ARHGEF40: variants seen among roughly 807,000 people sequenced by gnomAD.
ARHGEF40 encodes Rho guanine nucleotide exchange factor 40.
In ARHGEF40, 98 loss-of-function variants were observed where a neutral mutation model predicts 165.9. The observed-to-expected ratio is 0.59, with a 90% confidence interval of 0.50 to 0.70. ARHGEF40 has a LOEUF of 0.70. Among genes scored for constraint, ARHGEF40 ranks in the 30% least tolerant of loss-of-function variants. The pLI, the probability that ARHGEF40 is intolerant of heterozygous loss-of-function variation, is 0.00. For missense variants in ARHGEF40, 1,815 were observed against 1,968.0 expected (o/e 0.92, Z 1.47); for synonymous variants, 792 against 814.3 (o/e 0.97, Z 0.47).
chr14:21,084,169 A>C, intron 17 of ARHGEF40, 119 bp downstream of exon 17: 1 of 1,077,242 alleles, frequency 9.3e-7, no homozygotes, highest in Non-Finnish European at 1.3e-6. Flanking sequence ...TCTAATTTCT[A>C]ACCAGCTGGG....
intron 19 of ARHGEF40, 63 bp from the exon 20 acceptor site, chr14:21,086,934 ACCAT>A (rs2139269357): frequency 8.1e-7 from 1 of 1,240,858 alleles, no homozygotes; most frequent in Non-Finnish European, 1.1e-6. Flanking sequence ...AAAAAAATCA[ACCAT>A]GACATGCTAG....
Position 21,070,485 on chromosome 14 carries a change from C to G in ARHGEF40, c.3+86C>G. 7 of 1,347,334 alleles carry G rather than the reference C, an allele frequency of 5.2e-6. No homozygotes were observed. The highest frequency in any genetic ancestry group is 6.7e-6 in the Non-Finnish European group (7 of 1,049,754). 83.5% of individuals were successfully genotyped at this position (1,347,334 alleles called of 1,614,324 possible). ...CCCAAGTCCTCAGCCTGGTGCCTCC[C>G]GAGCCTGCCTCGGACTGTTCGGCCC... On this transcript the variant is annotated intron_variant, in intron 1 of 23. Coordinates refer to ENST00000298694, the MANE Select transcript of ARHGEF40 (RefSeq NM_018071.5). This position sits in a 1 kb window ranked among gnomAD's most constrained non-coding sequence, Gnocchi z 4.7.
Position 21,070,472 on chromosome 14 carries a change from G to C in ARHGEF40, c.3+73G>C, listed in dbSNP as rs1466411863. ...CCCGCTCCGGGCCCCCAAGTCCTCA[G>C]CCTGGTGCCTCCCGAGCCTGCCTCG... On this transcript the variant is annotated intron_variant, in intron 1 of 23. Transcript: ENST00000298694. The surrounding 1 kb of genome is among the most constrained non-coding windows in gnomAD (Gnocchi z 4.7). 21 of 1,350,798 alleles carry C rather than the reference G, an allele frequency of 1.6e-5. No individual in the cohort carries two copies. The highest frequency in any genetic ancestry group is 1.9e-4 in the Middle Eastern group (1 of 5,196). 83.7% of individuals were successfully genotyped at this position (1,350,798 alleles called of 1,614,324 possible).
In ARHGEF40 at chr14:21,072,934, A is replaced by C; in HGVS notation, c.4-111A>C. On this transcript the variant is annotated intron_variant, in intron 1 of 23. Transcript: ENST00000298694. This position sits in a 1 kb window ranked among gnomAD's most constrained non-coding sequence, Gnocchi z 4.1. ...TCCTGAGTGCTCACTTTTTGCCCAC[A>C]TTGTACAATCGGGGCTTTGGAGAAC... The C allele has an allele frequency of 8.9e-7, 1 of 1,121,748 alleles. No homozygotes were observed. The allele number at this position is 1,121,748 out of a possible 1,614,324, so 69.5% of individuals were successfully genotyped here.
Position 21,074,678 on chromosome 14 carries a change from T to G in ARHGEF40, c.948T>G (p.Pro316=), listed in dbSNP as rs1157902636. The change falls in exon 3 of 24, where the codon CCT becomes CCG. Residue 316 remains proline, a synonymous_variant. Transcript: ENST00000298694. This position sits in a 1 kb window ranked among gnomAD's most constrained non-coding sequence, Gnocchi z 4.8. ...AGGGGAGCAGCACCGGAGCCTCCCC[T>G]GAGTCTCCCCCAGGAGCTGAGGCTG... ...PGEGSSTGAS[P]ESPPGAEAVP... is the part of the protein sequence containing the mutation. The G allele has an allele frequency of 6.3e-7, 1 of 1,576,206 alleles. No homozygotes were observed. The highest frequency in any genetic ancestry group is 2.3e-5 in the East Asian group (1 of 42,906).
At chr14:21,069,897 C>G (rs2139184142), upstream of ARHGEF40, among the ~76,000 whole-genome samples, 1 of 152,198 alleles carries the variant, frequency 6.6e-6, no homozygotes, top group East Asian at 1.9e-4. Context: ...GACCCCAGTT[C>G]TGGGAAGGGG....
In ARHGEF40 at chr14:21,075,574, G is replaced by A. The variant is rs117657505; in HGVS notation, c.1619-71G>A. ...AATTGGGTGGGCTTGGGGACTGGGG[G>A]AGGCAGGGTGGAAAGGAGGTAGGCA... is the stretch of plus-strand genomic sequence containing the variant. On this transcript the variant is annotated intron_variant, in intron 4 of 23. Transcript: ENST00000298694. This position sits in a 1 kb window ranked among gnomAD's most constrained non-coding sequence, Gnocchi z 4.5. The A allele has an allele frequency of 5.0e-3, 8,104 of 1,613,894 alleles. 22 individuals carry two copies. The highest frequency in any genetic ancestry group is 6.4e-3 in the Non-Finnish European group (7,512 of 1,180,018).
chr14:21,068,251 G>T (rs1886389975), upstream of ARHGEF40, among the ~76,000 whole-genome samples: 1 of 123,902 alleles, frequency 8.1e-6, no homozygotes, highest in Non-Finnish European at 1.8e-5. Context: ...CGCCCGCCTC[G>T]GCCTCCCAAA....
chr14:21,067,761 T>C (rs1157740528), upstream of ARHGEF40, among the ~76,000 whole-genome samples: 2 of 150,022 alleles, frequency 1.3e-5, no homozygotes, highest in African/African-American at 4.9e-5. Context: ...TGTACACACG[T>C]ACACACACAC....
chr14:21,075,726 C>T lies in ARHGEF40; in HGVS notation c.1700C>T (p.Thr567Met), dbSNP rs764973823. The change falls in exon 5 of 24, where the codon ACG becomes ATG. Residue 567 changes from threonine (T) to methionine (M), a missense_variant. Coordinates refer to ENST00000298694, the MANE Select transcript of ARHGEF40 (RefSeq NM_018071.5). This position sits in a 1 kb window ranked among gnomAD's most constrained non-coding sequence, Gnocchi z 4.5. Reference protein sequence around the residue: ...PPEEPPPSRDTLNTTLHYLHS... With the variant: ...PPEEPPPSRDMLNTTLHYLHS... ...GAGGAGCCCCCACCCTCCCGAGACACGCTGAACACAACTCTTCATTACCTC... is the reference window on the plus strand; with the variant it reads ...GAGGAGCCCCCACCCTCCCGAGACATGCTGAACACAACTCTTCATTACCTC... 33 of 1,613,668 alleles carry T rather than the reference C, an allele frequency of 2.0e-5. No individual in the cohort carries two copies. Among genetic ancestry groups the T allele is most frequent in the South Asian group, 1.3e-4 (12 of 91,056 alleles).
chr14:21,078,618 A>G (rs964068530), intron 10 of ARHGEF40, 130 bp downstream of exon 10: 31 of 990,486 alleles, frequency 3.1e-5, no homozygotes, highest in Non-Finnish European at 4.4e-5. Context: ...ATGCTTTTAC[A>G]CTTACTGTCT....
the ARHGEF40 span, among the ~76,000 whole-genome samples, chr14:21,062,236 T>G: frequency 2.0e-5 from 3 of 152,238 alleles, no homozygotes; most frequent in African/African-American, 4.8e-5. Context: ...CGATTCATGT[T>G]CTATGATATT....
chr14:21,078,479 C>T lies in ARHGEF40; in HGVS notation c.2237C>T (p.Pro746Leu). ...ATCCTGATGAGGCTGCGCTCCACTC[C>T]CAGCAGCAAGTACGAAGTATGGGTG... is the stretch of plus-strand genomic sequence containing the variant. ...GAILMRLRST[P>L]SSKLEGQGPA... The change falls in exon 10 of 24, where the codon CCC becomes CTC. Residue 746 changes from proline (P) to leucine (L), a missense_variant. Coordinates refer to ENST00000298694, the MANE Select transcript of ARHGEF40 (RefSeq NM_018071.5). 6.3e-7 allele frequency: 1 copy of T among 1,585,980 alleles called. No homozygotes were observed. The highest frequency in any genetic ancestry group is 8.6e-7 in the Non-Finnish European group (1 of 1,164,164).
chr14:21,082,109 C>G lies in ARHGEF40; in HGVS notation c.3241C>G (p.Arg1081Gly), dbSNP rs1267068339. Reference protein sequence around the residue: ...GVGTPRMERKRSISAQQRLVS... With the variant: ...GVGTPRMERKGSISAQQRLVS... ...AGGCACCCCCCGGATGGAGCGCAAG[C>G]GAAGCATCAGGTGAGATCCCAGCCC... The change falls in exon 14 of 24, where the codon CGA (arginine) becomes GGA (glycine). Residue 1081 changes from arginine to glycine, a missense_variant. Transcript: ENST00000298694. 3.8e-6 allele frequency: 6 copies of G among 1,563,392 alleles called. No homozygotes were observed. In the South Asian group the frequency reaches 7.0e-5, roughly 18 times the overall value.
At position 21,075,049 on chromosome 14, in the gene ARHGEF40, A is replaced by G. The variant is rs1465867403; in HGVS notation, c.1319A>G (p.Lys440Arg). 1 of 1,614,108 alleles carries G rather than the reference A, an allele frequency of 6.2e-7. No individual in the cohort carries two copies. The highest frequency in any genetic ancestry group is 8.5e-7 in the Non-Finnish European group (1 of 1,180,042). The part of the protein sequence containing the change: ...LVKEEYEGSG[K>R]PESEPKELKT... The stretch of plus-strand genomic sequence containing the variant: ...AAGGAGGAATATGAAGGCTCAGGGA[A>G]GCCAGAATCTGAGCCAAAAGAGCTC... Residue 440 changes from lysine (K) to arginine (R), a missense_variant, in exon 3 of 24, where the codon AAG becomes AGG. Physicochemically the swap from Lys to Arg is conservative, Grantham distance 26 (BLOSUM62 2). Transcript: ENST00000298694. The surrounding 1 kb of genome is among the most constrained non-coding windows in gnomAD (Gnocchi z 4.5).
At chr14:21,062,829 C>T in the ARHGEF40 span, among the ~76,000 whole-genome samples, 5 of 151,144 alleles carry the variant, frequency 3.3e-5, no homozygotes, top group Non-Finnish European at 7.4e-5. Context: ...GCAACCTCCA[C>T]CTCCCAGGTT....
chr14:21,072,945 G>C lies in ARHGEF40; in HGVS notation c.4-100G>C, dbSNP rs1191774161. The C allele has an allele frequency of 4.1e-6, 5 of 1,207,210 alleles. No individual in the cohort carries two copies. The highest frequency in any genetic ancestry group is 1.5e-5 in the African/African-American group (1 of 66,108). 74.8% of individuals were successfully genotyped at this position (1,207,210 alleles called of 1,614,324 possible). On this transcript the variant is annotated intron_variant, in intron 1 of 23. Coordinates refer to ENST00000298694, the MANE Select transcript of ARHGEF40 (RefSeq NM_018071.5). This position sits in a 1 kb window ranked among gnomAD's most constrained non-coding sequence, Gnocchi z 4.1. ...CACTTTTTGCCCACATTGTACAATC[G>C]GGGCTTTGGAGAACACAGCCAACCC... is the stretch of plus-strand genomic sequence containing the variant.
rs750433784 is a variant in ARHGEF40, at chr14:21,090,162, G to T, written c.*1154G>T. 2 of 503,248 alleles carry T rather than the reference G, an allele frequency of 4.0e-6. No individual in the cohort carries two copies. 31.2% of individuals were successfully genotyped at this position (503,248 alleles called of 1,614,324 possible). A position where few individuals can be genotyped will look rare whatever the true frequency, so the allele number is the denominator to read the frequency against. On this transcript the variant is annotated 3_prime_UTR_variant, in exon 24 of 24. Transcript: ENST00000298694. This position sits in a 1 kb window ranked among gnomAD's most constrained non-coding sequence, Gnocchi z 4.4. ...CGTACCAAAAATAGCGACGTCTACA[G>T]GGCCCCTGATGGGGCTAGAAGGGTA... is the stretch of plus-strand genomic sequence containing the variant.
Position 21,074,552 on chromosome 14 carries a change from C to T in ARHGEF40, c.822C>T (p.Arg274=). ...GLSRVRTVPT[R]KGAGGKGRHR... ...CCAGAGTCCGGACGGTACCCACCCG[C>T]AAGGGCGCTGGAGGGAAGGGCCGCC... The change falls in exon 3 of 24, where the codon CGC becomes CGT. Residue 274 remains arginine (R), a synonymous_variant. Coordinates refer to ENST00000298694, the MANE Select transcript of ARHGEF40 (RefSeq NM_018071.5). The surrounding 1 kb of genome is among the most constrained non-coding windows in gnomAD (Gnocchi z 4.8). 6.4e-7 allele frequency: 1 copy of T among 1,552,388 alleles called. No homozygotes were observed. Among genetic ancestry groups the T allele is most frequent in the Non-Finnish European group, 8.7e-7 (1 of 1,149,176 alleles).
Sources: gnomAD v4.1 joint callset for allele counts (sites outside exome capture counted in the v4.1 genomes callset) on GRCh38, gnomAD v4.1.1 for gene constraint, Gnocchi (gnomAD v3.1) non-coding constraint, MANE v1.5 for transcripts, NCBI Gene and HGNC (gene_info 2026-07-23, HGNC 2026-07-21) for gene names.